The following TMEM164 variants were observed in gnomAD, a reference collection of about 807,000 sequenced individuals.
TMEM164 encodes the protein transmembrane protein 164, also known as RP13-360B22.2.
In TMEM164, 4 loss-of-function variants were observed where a neutral mutation model predicts 18.8. The observed-to-expected ratio is 0.21, with a 90% CI of 0.10 to 0.49. The LOEUF (loss-of-function observed/expected upper bound fraction) is 0.49. TMEM164 is among the 20% of genes least tolerant of loss of function. The pLI is 0.98. For missense variants in TMEM164, 108 were observed against 239.9 expected (o/e 0.45, Z 3.63); for synonymous variants, 86 against 101.7 (o/e 0.85, Z 0.93).
chrX:110,052,812 G>A (rs1280691780), intron 2 of TMEM164, among the ~76,000 whole-genome samples: 9 of 99,099 alleles, frequency 9.1e-5, no homozygotes, highest in Non-Finnish European at 1.4e-4. Context: ...GTGCAGTGGC[G>A]CCATCTTGGC....
At chrX:110,064,847 A>C (rs776596617) in intron 2 of TMEM164, among the ~76,000 whole-genome samples, 2 of 108,926 alleles carry the variant, frequency 1.8e-5, no homozygotes, top group South Asian at 8.2e-4. Context: ...AAATAAAAAA[A>C]TTAGCCAGAT....
chrX:110,101,719 A>G (rs1253619214), intron 3 of TMEM164, among the ~76,000 whole-genome samples: 3 of 108,251 alleles, frequency 2.8e-5, no homozygotes, highest in Non-Finnish European at 5.7e-5. Context: ...AGCTGGGACT[A>G]CATGTTTGCA....
intron 4 of TMEM164, among the ~76,000 whole-genome samples, chrX:110,139,679 G>T (rs770543479): frequency 8.9e-5 from 10 of 111,773 alleles, no homozygotes; most frequent in African/African-American, 2.0e-4. Flanking sequence ...ATGTGGTATT[G>T]CAAGGTAAGT....
chrX:110,123,796 G>A (rs1157326451), intron 4 of TMEM164, among the ~76,000 whole-genome samples: 1 of 111,430 alleles, frequency 9.0e-6, no homozygotes, highest in East Asian at 2.8e-4. Flanking sequence ...GGGCAACAAA[G>A]TGAGACCCTG....
intron 3 of TMEM164, among the ~76,000 whole-genome samples, chrX:110,099,302 G>A (rs1189016120): frequency 9.3e-6 from 1 of 107,739 alleles, no homozygotes; most frequent in African/African-American, 3.4e-5. Flanking sequence ...TTTCTTTTAT[G>A]TATTGTGTTT....
chrX:110,091,293 G>A (rs944840458), intron 3 of TMEM164, among the ~76,000 whole-genome samples: 18 of 112,128 alleles, frequency 1.6e-4, no homozygotes, highest in African/African-American at 3.2e-4. Context: ...ACAGTCTTCC[G>A]CAATGGTTGA....
chrX:110,057,290 C>A (rs1011348209), intron 2 of TMEM164, among the ~76,000 whole-genome samples: 1 of 111,845 alleles, frequency 8.9e-6, no homozygotes, highest in Non-Finnish European at 1.9e-5. Flanking sequence ...CTTTCTGGCT[C>A]ATTTCACTTA....
intron 3 of TMEM164, among the ~76,000 whole-genome samples, chrX:110,087,286 T>C (rs144492747): frequency 1.1e-4 from 12 of 111,869 alleles, no homozygotes; most frequent in African/African-American, 3.9e-4. Context: ...AGACCTGGGC[T>C]TAAGAATTTC....
chrX:110,101,830 G>A (rs1396914999), intron 3 of TMEM164, among the ~76,000 whole-genome samples: 1 of 109,549 alleles, frequency 9.1e-6, no homozygotes, highest in East Asian at 2.9e-4. Flanking sequence ...TGATCTCCCC[G>A]CCTTGGCCTC....
intron 2 of TMEM164, chrX:110,020,766 AGAATATTT>A (rs1255939457): frequency 1.2e-4 from 77 of 647,046 alleles, no homozygotes; most frequent in Non-Finnish European, 1.4e-4. Context: ...GTTGCATGCC[AGAATATTT>A]ATGGCATCAG....
chrX:110,089,966 G>A (rs891451973), intron 3 of TMEM164, among the ~76,000 whole-genome samples: 3 of 112,261 alleles, frequency 2.7e-5, no homozygotes, highest in Admixed American at 9.5e-5. Context: ...TGTCATCTGT[G>A]TACTCACTGT....
chrX:110,068,049 C>T (rs969868104), intron 3 of TMEM164, among the ~76,000 whole-genome samples: 3 of 112,557 alleles, frequency 2.7e-5, no homozygotes, highest in African/African-American at 9.7e-5. Flanking sequence ...GAAGCCAAAT[C>T]GACTGAATTA....
intron 5 of TMEM164, among the ~76,000 whole-genome samples, chrX:110,145,317 T>C (rs1352944624): frequency 9.0e-6 from 1 of 111,116 alleles, no homozygotes; most frequent in Non-Finnish European, 1.9e-5. Context: ...ACCAGGGCAA[T>C]TATGGGATTG....
At chrX:110,123,215 C>T (rs188761042) in intron 4 of TMEM164, among the ~76,000 whole-genome samples, 4 of 111,979 alleles carry the variant, frequency 3.6e-5, no homozygotes, top group Non-Finnish European at 7.5e-5. Flanking sequence ...TTCTAAAAAT[C>T]AATGAAAAAT....
At chrX:110,035,086 G>C (rs1187397726) in intron 2 of TMEM164, among the ~76,000 whole-genome samples, 1 of 66,089 alleles carries the variant, frequency 1.5e-5, no homozygotes, top group Non-Finnish European at 2.7e-5. Context: ...GGGGGGAGGG[G>C]GGAGGGATAG....
chrX:110,114,640 C>T (rs1453296131), intron 4 of TMEM164, among the ~76,000 whole-genome samples: 1 of 111,492 alleles, frequency 9.0e-6, no homozygotes, highest in Non-Finnish European at 1.9e-5. Flanking sequence ...CTGCTTTTCA[C>T]CCTCTAACCC....
Position 110,126,190 on chromosome X carries a change from G to C in TMEM164, c.507+17044G>C, listed in dbSNP as rs1034779558. Among the ~76,000 whole-genome samples the C allele has an allele frequency of 1.7e-4, 5 of 30,050 alleles. No homozygotes were observed. In the African/African-American group the frequency reaches 2.2e-3, roughly 13 times the overall value. The allele number at this position is 30,050 out of a possible 115,157, so 26.1% of individuals were successfully genotyped here. On this transcript the variant is annotated intron_variant, in intron 4 of 6. Coordinates refer to ENST00000372068, the MANE Select transcript of TMEM164 (RefSeq NM_032227.4). ...CTGGTTCGTCTCTGCTGCTGGCCCA[G>C]CTCACAGGTGCCCTCTGGGAGTCAT...
chrX:110,178,271 T>C (rs2067309507), downstream of TMEM164, among the ~76,000 whole-genome samples: 1 of 112,448 alleles, frequency 8.9e-6, no homozygotes, highest in African/African-American at 3.2e-5. Flanking sequence ...ATGACTGTGA[T>C]TGGCCCTTTT....
Position 110,109,851 on chromosome X carries a change from C to T in TMEM164, c.507+705C>T, listed in dbSNP as rs951995753. On this transcript the variant is annotated intron_variant, in intron 4 of 6. Transcript: ENST00000372068. ...AGAAGCAGGAGCTACGAGCCATGTC[C>T]TCAGACTCCCAAATGTGAGACTGTG... Among the ~76,000 whole-genome samples, 6 of 112,232 alleles carry T rather than the reference C, an allele frequency of 5.3e-5. No individual in the cohort carries two copies. The East Asian group carries it at 1.4e-3, about 26-fold the overall frequency.
Sources: gnomAD v4.1 joint callset for allele counts (sites outside exome capture counted in the v4.1 genomes callset) on GRCh38, gnomAD v4.1.1 for gene constraint, MANE v1.5 for transcripts, NCBI Gene and HGNC (gene_info 2026-07-23, HGNC 2026-07-21) for gene names.